The following LRRTM4 variants were observed in gnomAD, a reference collection of about 807,000 sequenced individuals.
LRRTM4 encodes the protein leucine rich repeat transmembrane neuronal 4, also known as leucine-rich repeat transmembrane neuronal protein 4.
In LRRTM4, 25 loss-of-function variants were observed where a neutral mutation model predicts 47.6. That is an observed-to-expected ratio of 0.53 (90% confidence interval 0.38 to 0.73). LRRTM4 has a LOEUF of 0.73. Among genes scored for constraint, LRRTM4 ranks in the 30% least tolerant of loss-of-function variants. The probability of loss-of-function intolerance (pLI) is 0.00; values close to 1 mark genes in which losing one functional copy is unlikely to be tolerated. For missense variants in LRRTM4, 638 were observed against 713.4 expected (o/e 0.89, Z 1.20); for synonymous variants, 311 against 269.5 (o/e 1.15, Z -1.51).
chr2:77,071,009 C>G (rs1056742859), intron 3 of LRRTM4, among the ~76,000 whole-genome samples: 2 of 152,146 alleles, frequency 1.3e-5, no homozygotes, highest in African/African-American at 4.8e-5. Context: ...CTTGGGATTA[C>G]TACCTGTGCA....
intron 3 of LRRTM4, among the ~76,000 whole-genome samples, chr2:76,861,586 C>T (rs1558698720): frequency 6.6e-6 from 1 of 152,062 alleles, no homozygotes; most frequent in Non-Finnish European, 1.5e-5. Flanking sequence ...TTTGCTTTGG[C>T]CTTTACTGTT....
In LRRTM4 at chr2:76,933,411, A is replaced by ATT. The variant is rs201572040; in HGVS notation, c.1552-184497_1552-184496dup. ...AATACCTGCTTGCCTGCAGAGGTAT[A>ATT]TTTTTTTTTAGCATTGCTGTAAGGA... On this transcript the variant is annotated intron_variant, in intron 3 of 3. Coordinates refer to ENST00000409884, the MANE Select transcript of LRRTM4 (RefSeq NM_001134745.3). Among the ~76,000 whole-genome samples, 19 of 151,034 alleles carry ATT rather than the reference A, an allele frequency of 1.3e-4. No individual in the cohort carries two copies. The South Asian group carries it at 3.5e-3, about 28-fold the overall frequency.
rs576513780 is a variant in LRRTM4 at position 77,346,029 on chromosome 2, AG to A, written c.1551+172288del. On this transcript the variant is annotated intron_variant, in intron 3 of 3. Transcript: ENST00000409884. ...TAATAGAATACTACTTATAAAAAAA[AG>A]AATAAATAAACTATAGGTACTTGCG... Among the ~76,000 whole-genome samples, 124 of 152,176 alleles carry A rather than the reference AG, an allele frequency of 8.1e-4. 1 individual carries two copies. The highest frequency in any genetic ancestry group is 1.4e-3 in the Non-Finnish European group (96 of 67,968).
chr2:77,252,592 A>G (rs12713903), intron 3 of LRRTM4, among the ~76,000 whole-genome samples: 94,256 of 151,912 alleles, frequency 0.62, 29,323 homozygotes, highest in Admixed American at 0.67. Flanking sequence ...CATTTTAACA[A>G]ATTCAAACCA....
At chr2:76,890,649 A>C (rs1673222021) in intron 3 of LRRTM4, among the ~76,000 whole-genome samples, 1 of 152,010 alleles carries the variant, frequency 6.6e-6, no homozygotes, top group African/African-American at 2.4e-5. Flanking sequence ...ATAAACAGTA[A>C]ATACTCATGT....
intron 3 of LRRTM4, among the ~76,000 whole-genome samples, chr2:77,142,748 G>A (rs1297554255): frequency 6.6e-6 from 1 of 152,136 alleles, no homozygotes; most frequent in Non-Finnish European, 1.5e-5. Flanking sequence ...ATACTAACAT[G>A]TTTTCAAGAC....
intron 3 of LRRTM4, among the ~76,000 whole-genome samples, chr2:76,988,948 G>C (rs1283212195): frequency 6.6e-6 from 1 of 151,758 alleles, no homozygotes; most frequent in East Asian, 1.9e-4. Context: ...TAACCTCTGA[G>C]AAATAATCAC....
At chr2:77,105,244 T>A (rs1366178410) in intron 3 of LRRTM4, among the ~76,000 whole-genome samples, 1 of 151,976 alleles carries the variant, frequency 6.6e-6, no homozygotes, top group African/African-American at 2.4e-5. Flanking sequence ...GTCTGGAGAT[T>A]TGTGGATTTA....
intron 3 of LRRTM4, among the ~76,000 whole-genome samples, chr2:77,422,443 T>C (rs1328129855): frequency 6.6e-6 from 1 of 152,188 alleles, no homozygotes; most frequent in Non-Finnish European, 1.5e-5. Context: ...GTTAAATCCA[T>C]ACTTTAAGAT....
Position 77,519,413 on chromosome 2 carries a change from T to C in LRRTM4, c.456A>G (p.Gln152=), listed in dbSNP as rs778339448. ...YNKLQTLQSE[Q]FKGLRKLIIL... ...TGATGAGTTTCCGAAGGCCTTTAAA[T>C]TGTTCAGATTGCAATGTCTGAAGCT... Residue 152 remains glutamine (Q), a synonymous_variant, in exon 3 of 4, where the codon CAA becomes CAG. Coordinates refer to ENST00000409884, the MANE Select transcript of LRRTM4 (RefSeq NM_001134745.3). The surrounding 1 kb of genome is among the most constrained non-coding windows in gnomAD (Gnocchi z 4.6). 1.9e-6 allele frequency: 3 copies of C among 1,613,464 alleles called. No homozygotes were observed. The South Asian group carries it at 3.3e-5, about 18-fold the overall frequency.
chr2:77,064,312 C>T (rs1197329655), intron 3 of LRRTM4, among the ~76,000 whole-genome samples: 6 of 152,084 alleles, frequency 3.9e-5, no homozygotes, highest in East Asian at 1.9e-4. Context: ...TTAAAATAGG[C>T]CTTCAGTGGG....
At chr2:77,068,359 T>C (rs1680031585) in intron 3 of LRRTM4, among the ~76,000 whole-genome samples, 1 of 152,000 alleles carries the variant, frequency 6.6e-6, no homozygotes, top group African/African-American at 2.4e-5. Context: ...AACTAAGTGG[T>C]TTTTAGTCTC....
chr2:77,068,797 C>T (rs1680047911), intron 3 of LRRTM4, among the ~76,000 whole-genome samples: 1 of 152,230 alleles, frequency 6.6e-6, no homozygotes, highest in Non-Finnish European at 1.5e-5. Context: ...AACAAAATCT[C>T]TACAGCACTG....
At chr2:77,172,953 A>G (rs1352812100) in intron 3 of LRRTM4, among the ~76,000 whole-genome samples, 2 of 152,204 alleles carry the variant, frequency 1.3e-5, no homozygotes, top group Non-Finnish European at 1.5e-5. Flanking sequence ...AAAGATAAGT[A>G]TGTTCAGATA....
At chr2:76,862,290 G>A (rs1019498791) in intron 3 of LRRTM4, among the ~76,000 whole-genome samples, 6 of 152,238 alleles carry the variant, frequency 3.9e-5, no homozygotes, top group Admixed American at 1.3e-4. Context: ...GTGACAGCCT[G>A]TTCTAAGGTG....
chr2:77,415,599 G>A (rs2103869446), intron 3 of LRRTM4, among the ~76,000 whole-genome samples: 1 of 152,222 alleles, frequency 6.6e-6, no homozygotes, highest in East Asian at 1.9e-4. Context: ...GCATTCTACT[G>A]CTCCCATCTA....
At chr2:76,916,749 C>G (rs917650291) in intron 3 of LRRTM4, among the ~76,000 whole-genome samples, 2 of 152,064 alleles carry the variant, frequency 1.3e-5, no homozygotes, top group Non-Finnish European at 2.9e-5. Flanking sequence ...TTTAGATCCA[C>G]AAAACTCCGA....
intron 3 of LRRTM4, among the ~76,000 whole-genome samples, chr2:76,801,670 AAAAAG>A (rs907559588): frequency 1.1e-4 from 17 of 152,206 alleles, no homozygotes; most frequent in African/African-American, 2.4e-4. Context: ...ATAATAAAAA[AAAAAG>A]AAAAGTACAG....
At chr2:77,291,794 T>C (rs538793349) in intron 3 of LRRTM4, among the ~76,000 whole-genome samples, 1 of 152,034 alleles carries the variant, frequency 6.6e-6, no homozygotes. Context: ...CTAAAACACA[T>C]CATGTCTAAA....
Sources: allele counts gnomAD v4.1 joint callset (sites outside exome capture counted in the v4.1 genomes callset), GRCh38; gene constraint gnomAD v4.1.1; non-coding constraint Gnocchi (gnomAD v3.1); transcripts MANE v1.5; gene names NCBI Gene and HGNC (gene_info 2026-07-23, HGNC 2026-07-21).